KNTC1: variants seen among roughly 807,000 people sequenced by gnomAD.
KNTC1 encodes kinetochore-associated protein 1.
In KNTC1, 253 loss-of-function variants were observed where a neutral mutation model predicts 314.4. The observed-to-expected ratio is 0.80, with a 90% CI of 0.73 to 0.89. KNTC1 has a LOEUF of 0.89. Ranked by LOEUF, KNTC1 falls within the 40% of genes least tolerant of loss-of-function variation. KNTC1 has a pLI of 0.00. For synonymous variants in KNTC1, 901 were observed against 901.4 expected, an observed-to-expected ratio of 1.00 and a Z score of 0.01; for missense variants, 2,475 against 2,572.9, an observed-to-expected ratio of 0.96 and a Z score of 0.82.
At chr12:122,605,492 C>G in intron 51 of KNTC1, 77 bp downstream of exon 51, 1 of 692,090 alleles carries the variant, frequency 1.4e-6, no homozygotes, top group Admixed American at 2.7e-5. Context: ...AATATTTATC[C>G]CACATGATAC....
intron 16 of KNTC1, among the ~76,000 whole-genome samples, chr12:122,552,792 A>G (rs892742698): frequency 2.6e-5 from 4 of 152,174 alleles, no homozygotes; most frequent in Admixed American, 1.3e-4. Flanking sequence ...GGAACTAAGT[A>G]CTTTTCTCTA....
At chr12:122,544,413 C>T (rs982027262) in intron 8 of KNTC1, 144 bp downstream of exon 8, 81 of 528,012 alleles carry the variant, frequency 1.5e-4, no homozygotes, top group Non-Finnish European at 2.3e-4. Flanking sequence ...AAAAATAACT[C>T]AATAAATAAA....
chr12:122,620,749 C>CT, intron 60 of KNTC1, 141 bp downstream of exon 60: 1 of 840,586 alleles, frequency 1.2e-6, no homozygotes, highest in Non-Finnish European at 1.8e-6. Flanking sequence ...TGTATGGGGG[C>CT]TTAGTGGGAG....
chr12:122,587,764 C>G lies in KNTC1; in HGVS notation c.3784C>G (p.Leu1262Val). The change falls in exon 39 of 64, where the codon CTT (leucine) becomes GTT (valine). Residue 1262 changes from leucine to valine, a missense_variant. Transcript: ENST00000333479. ...TTCCATCTCTGCCCTGCTTCAGAAT[C>G]TTCAGGAATCTAGCCAGTGGGAGCT... The part of the protein sequence containing the change: ...INSISALLQN[L>V]QESSQWELAL... 1 of 1,613,828 alleles carries G rather than the reference C, an allele frequency of 6.2e-7. No homozygotes were observed. The highest frequency in any genetic ancestry group is 8.5e-7 in the Non-Finnish European group (1 of 1,179,768).
chr12:122,584,513 A>G, intron 35 of KNTC1, 63 bp downstream of exon 35: 2 of 1,271,424 alleles, frequency 1.6e-6, no homozygotes, highest in Non-Finnish European at 2.2e-6. Flanking sequence ...TTGTCTCCCA[A>G]ATGCTGTCTC....
chr12:122,618,324 C>T lies in KNTC1; in HGVS notation c.6031-19C>T, dbSNP rs756673814. 7 of 1,611,154 alleles carry T rather than the reference C, an allele frequency of 4.3e-6. No individual in the cohort carries two copies. The highest frequency in any genetic ancestry group is 2.2e-5 in the East Asian group (1 of 44,882). On this transcript the variant is annotated intron_variant, in intron 57 of 63. Transcript: ENST00000333479. ...ATATCCTTAACATGAATATCCCAAA[C>T]GTGGACTTGTTTTCACAGGTTCCCT... is the stretch of plus-strand genomic sequence containing the variant.
At chr12:122,527,503 G>A (rs1960792770) in intron 1 of KNTC1, 152 bp downstream of exon 1, 1 of 152,788 alleles carries the variant, frequency 6.5e-6, no homozygotes, top group African/African-American at 2.4e-5. Flanking sequence ...CCAGCGGAGA[G>A]CGTTTAAGTA....
intron 21 of KNTC1, 66 bp downstream of exon 21, chr12:122,568,438 T>C: frequency 1.1e-6 from 1 of 883,852 alleles, no homozygotes; most frequent in South Asian, 1.4e-5. Flanking sequence ...TGAATCAATG[T>C]TGGAGACTAA....
intron 20 of KNTC1, among the ~76,000 whole-genome samples, chr12:122,563,544 C>T (rs1964118079): frequency 6.6e-6 from 1 of 152,060 alleles, no homozygotes; most frequent in African/African-American, 2.4e-5. Context: ...TCTGTGGGCT[C>T]AAGCAGCCGC....
chr12:122,599,556 G>T (rs1018948084), intron 44 of KNTC1, among the ~76,000 whole-genome samples: 9 of 151,982 alleles, frequency 5.9e-5, no homozygotes, highest in African/African-American at 1.9e-4. Context: ...TCATCATGTT[G>T]GTCAGGCTGG....
intron 62 of KNTC1, among the ~76,000 whole-genome samples, chr12:122,624,049 CAA>C (rs1395509241): frequency 6.6e-6 from 1 of 152,126 alleles, no homozygotes; most frequent in East Asian, 1.9e-4. Flanking sequence ...GCCTGTGCAA[CAA>C]GAGTGAAACT....
chr12:122,542,069 T>A lies in KNTC1; in HGVS notation c.465T>A (p.Leu155=), dbSNP rs1460803699. 2.6e-6 allele frequency: 4 copies of A among 1,546,146 alleles called. No homozygotes were observed. In the East Asian group the frequency reaches 9.2e-5, roughly 36 times the overall value. ...CAATAGGTACCTATTATATGCTACTTCTTACATACAGTGGATTTTTTTGTA... is the reference window on the plus strand; with the variant it reads ...CAATAGGTACCTATTATATGCTACTACTTACATACAGTGGATTTTTTTGTA... ...GSNEGTYYML[L]LTYSGFFCIT... is the part of the protein sequence containing the mutation. Residue 155 remains leucine, a synonymous_variant, in exon 6 of 64, where the codon CTT becomes CTA. Coordinates refer to ENST00000333479, the MANE Select transcript of KNTC1 (RefSeq NM_014708.6).
intron 18 of KNTC1, 24 bp from the exon 19 acceptor site, chr12:122,561,897 G>C: frequency 6.5e-7 from 1 of 1,531,326 alleles, no homozygotes; most frequent in Non-Finnish European, 9.0e-7. Flanking sequence ...TCTTCTAACT[G>C]TATTTCTTAT....
At chr12:122,574,924 T>C (rs572425952) in intron 27 of KNTC1, among the ~76,000 whole-genome samples, 3 of 152,180 alleles carry the variant, frequency 2.0e-5, no homozygotes, top group Non-Finnish European at 4.4e-5. Flanking sequence ...ACACTGTTAT[T>C]GCCACTATAA....
At chr12:122,532,022 C>T (rs1249427837) in intron 2 of KNTC1, among the ~76,000 whole-genome samples, 2 of 148,624 alleles carry the variant, frequency 1.3e-5, no homozygotes, top group South Asian at 2.1e-4. Flanking sequence ...CTTGAGCCAC[C>T]GCACCCGGCC....
chr12:122,587,516 C>G (rs1002411270), intron 38 of KNTC1, among the ~76,000 whole-genome samples, 195 bp from the exon 39 acceptor site: 1 of 152,298 alleles, frequency 6.6e-6, no homozygotes, highest in African/African-American at 2.4e-5. Context: ...ATCAAAGGAT[C>G]TCATTAACTA....
intron 16 of KNTC1, among the ~76,000 whole-genome samples, chr12:122,554,076 A>AATATATATATATATATATATATAT (rs60404988): frequency 1.7e-4 from 19 of 109,044 alleles, no homozygotes; most frequent in African/African-American, 7.0e-4. Flanking sequence ...AAAAAAAAAA[A>AATATATATATATATATATATATAT]ATATATATAT....
At chr12:122,537,136 G>A (rs758222473) in intron 3 of KNTC1, among the ~76,000 whole-genome samples, 2 of 152,102 alleles carry the variant, frequency 1.3e-5, no homozygotes, top group Non-Finnish European at 2.9e-5. Context: ...TTTGTTTTCT[G>A]TTACCTTGGC....
At chr12:122,616,420 G>A (rs1593688437) in intron 57 of KNTC1, among the ~76,000 whole-genome samples, 1 of 151,940 alleles carries the variant, frequency 6.6e-6, no homozygotes. Context: ...ATGCCGCCAC[G>A]CCCTGCTAAT....
Sources: allele counts gnomAD v4.1 joint callset (sites outside exome capture counted in the v4.1 genomes callset), GRCh38; gene constraint gnomAD v4.1.1; transcripts MANE v1.5; gene names NCBI Gene and HGNC (gene_info 2026-07-23, HGNC 2026-07-21).